The following OSBPL3 variants were observed in gnomAD, a reference collection of about 807,000 sequenced individuals.
OSBPL3 encodes the protein oxysterol binding protein like 3.
OSBPL3 carries 65 observed loss-of-function variants against 120.1 expected under a neutral mutation model. The observed-to-expected ratio is 0.54, with a 90% CI of 0.44 to 0.67. The LOEUF (loss-of-function observed/expected upper bound fraction) is 0.67, where lower values mean the gene tolerates loss of function less well. OSBPL3 is among the 30% of genes least tolerant of loss of function. OSBPL3 has a pLI of 0.00. For synonymous variants in OSBPL3, 416 were observed against 402.6 expected, an observed-to-expected ratio of 1.03 and a Z score of -0.40; for missense variants, 1,004 against 1,082.1, an observed-to-expected ratio of 0.93 and a Z score of 1.01.
Position 24,916,812 on chromosome 7 carries a change from C to T in OSBPL3, c.-149-24191G>A, listed in dbSNP as rs994531201. Among the ~76,000 whole-genome samples the T allele has an allele frequency of 1.3e-5, 2 of 152,152 alleles. No individual in the cohort carries two copies. The highest frequency in any genetic ancestry group is 4.8e-5 in the African/African-American group (2 of 41,420). On this transcript the variant is annotated intron_variant, in intron 1 of 22. Coordinates refer to ENST00000313367, the MANE Select transcript of OSBPL3 (RefSeq NM_015550.4). The surrounding 1 kb of genome is among the most constrained non-coding windows in gnomAD (Gnocchi z 4.9). ...TCACTAGAGATGTAAATGGAAACTT[C>T]CCATGCTGGGATTCCCAGCTGTGCT...
intron 1 of OSBPL3, among the ~76,000 whole-genome samples, chr7:24,929,637 G>A (rs1270109316): frequency 6.6e-6 from 1 of 151,920 alleles, no homozygotes; most frequent in Non-Finnish European, 1.5e-5. Flanking sequence ...CATCAAGAAA[G>A]GAGTTCCATT....
At chr7:24,921,197 C>T (rs1045731699) in intron 1 of OSBPL3, among the ~76,000 whole-genome samples, 5 of 97,774 alleles carry the variant, frequency 5.1e-5, no homozygotes, top group African/African-American at 2.3e-4. Flanking sequence ...GACTCAAGCC[C>T]ACATTAAAAA....
intron 1 of OSBPL3, among the ~76,000 whole-genome samples, chr7:24,970,426 T>G (rs1009821527): frequency 6.6e-6 from 1 of 152,184 alleles, no homozygotes; most frequent in African/African-American, 2.4e-5. Flanking sequence ...TTTCTTTATC[T>G]CAATCCCATG....
intron 13 of OSBPL3, among the ~76,000 whole-genome samples, chr7:24,841,210 C>G (rs564657010): frequency 6.6e-6 from 1 of 152,106 alleles, no homozygotes; most frequent in African/African-American, 2.4e-5. Flanking sequence ...ACACTGTTAA[C>G]TATAATAACT....
rs1050933622 is a variant in OSBPL3 at position 24,820,159 on chromosome 7, T to C, written c.1948+16A>G. The C allele has an allele frequency of 6.5e-6, 10 of 1,545,080 alleles. No individual in the cohort carries two copies. Among genetic ancestry groups the C allele is most frequent in the Non-Finnish European group, 8.9e-6 (10 of 1,119,504 alleles). ...ATTACACAATATGATGGAAGTAAAATGTATTAGCACATTACCTTGCCAGAA... is the reference window on the plus strand; with the variant it reads ...ATTACACAATATGATGGAAGTAAAACGTATTAGCACATTACCTTGCCAGAA... On this transcript the variant is annotated intron_variant, in intron 17 of 22. Transcript: ENST00000313367. The surrounding 1 kb of genome is among the most constrained non-coding windows in gnomAD (Gnocchi z 4.6).
rs554236120 is a variant in OSBPL3, at chr7:24,836,966, C to G, written c.1496-2230G>C. On this transcript the variant is annotated intron_variant, in intron 14 of 22. Transcript: ENST00000313367. The stretch of plus-strand genomic sequence containing the variant: ...CTTCCTGCCTCAGCCTCCCAAGTAG[C>G]TGGGACCACAGATGCACACCAACAT... Among the ~76,000 whole-genome samples the G allele has an allele frequency of 2.6e-5, 4 of 151,936 alleles. No individual in the cohort carries two copies. The South Asian group carries it at 8.3e-4, about 32-fold the overall frequency.
At chr7:24,902,763 A>G (rs746682920) in intron 1 of OSBPL3, among the ~76,000 whole-genome samples, 1 of 151,230 alleles carries the variant, frequency 6.6e-6, no homozygotes, top group Non-Finnish European at 1.5e-5. Context: ...TGCCACACCT[A>G]AACGACTGGC....
Position 24,815,730 on chromosome 7 carries a change from G to A in OSBPL3, c.2028-527C>T, listed in dbSNP as rs1418984872. Among the ~76,000 whole-genome samples, 1 of 152,136 alleles carries A rather than the reference G, an allele frequency of 6.6e-6. No individual in the cohort carries two copies. The highest frequency in any genetic ancestry group is 1.5e-5 in the Non-Finnish European group (1 of 68,040). ...ATGCAATGTGCTAAGTACTATTTTA[G>A]GTGTTTCATGTATATTATCTGTTTA... On this transcript the variant is annotated intron_variant, in intron 18 of 22. Coordinates refer to ENST00000313367, the MANE Select transcript of OSBPL3 (RefSeq NM_015550.4). The surrounding 1 kb of genome is among the most constrained non-coding windows in gnomAD (Gnocchi z 5.1).
chr7:24,943,371 C>T (rs962349756), intron 1 of OSBPL3, among the ~76,000 whole-genome samples: 3 of 152,138 alleles, frequency 2.0e-5, no homozygotes, highest in Non-Finnish European at 2.9e-5. Flanking sequence ...TGTGCTTGTA[C>T]CTTAAAGGCT....
Position 24,818,880 on chromosome 7 carries a change from A to G in OSBPL3, c.1948+1295T>C, listed in dbSNP as rs1359509229. On this transcript the variant is annotated intron_variant, in intron 17 of 22. Transcript: ENST00000313367. This position sits in a 1 kb window ranked among gnomAD's most constrained non-coding sequence, Gnocchi z 4.0. ...TGATGGGGAAGTATGGCCTAGGAGA[A>G]GGATGCTAAGGCTGAGAAGGGAAGG... Among the ~76,000 whole-genome samples, 1 of 152,222 alleles carries G rather than the reference A, an allele frequency of 6.6e-6. No individual in the cohort carries two copies. The highest frequency in any genetic ancestry group is 1.5e-5 in the Non-Finnish European group (1 of 68,038).
chr7:24,865,282 A>G, intron 7 of OSBPL3, 60 bp downstream of exon 7: 1 of 1,557,874 alleles, frequency 6.4e-7, no homozygotes, highest in Non-Finnish European at 8.8e-7. Flanking sequence ...TGAAGTGTAA[A>G]CATCAAACCA....
intron 10 of OSBPL3, among the ~76,000 whole-genome samples, chr7:24,859,882 C>G (rs1324957118): frequency 1.3e-5 from 2 of 152,058 alleles, no homozygotes; most frequent in Non-Finnish European, 2.9e-5. Context: ...AAAATTCAAT[C>G]CCCTATTGTT....
At chr7:24,870,335 A>G (rs1381315034) in intron 5 of OSBPL3, among the ~76,000 whole-genome samples, 1 of 152,256 alleles carries the variant, frequency 6.6e-6, no homozygotes, top group Non-Finnish European at 1.5e-5. Context: ...CTATAAAATT[A>G]GCCAAAGTGA....
At chr7:24,870,336 G>A (rs1027776411) in intron 5 of OSBPL3, among the ~76,000 whole-genome samples, 9 of 152,162 alleles carry the variant, frequency 5.9e-5, no homozygotes, top group African/African-American at 1.9e-4. Flanking sequence ...TATAAAATTA[G>A]CCAAAGTGAT....
chr7:24,884,503 G>A (rs189700275), intron 2 of OSBPL3, among the ~76,000 whole-genome samples: 2 of 152,250 alleles, frequency 1.3e-5, no homozygotes, highest in South Asian at 2.1e-4. Context: ...GAGTCTTCCT[G>A]AGAGCAGCCT....
At chr7:24,941,092 T>C (rs1484908246) in intron 1 of OSBPL3, among the ~76,000 whole-genome samples, 8 of 152,224 alleles carry the variant, frequency 5.3e-5, no homozygotes, top group African/African-American at 1.9e-4. Flanking sequence ...GTGCTGGGAT[T>C]ACAGGCGTGA....
rs1584629087 is a variant in OSBPL3 at position 24,922,029 on chromosome 7, T to C, written c.-149-29408A>G. On this transcript the variant is annotated intron_variant, in intron 1 of 22. Coordinates refer to ENST00000313367, the MANE Select transcript of OSBPL3 (RefSeq NM_015550.4). This position sits in a 1 kb window ranked among gnomAD's most constrained non-coding sequence, Gnocchi z 4.3. ...GTCTCACGTCCAGCCAAGAGGCTGGTACACAGCAGCCACCTCAAAAACGCT... is the reference window on the plus strand; with the variant it reads ...GTCTCACGTCCAGCCAAGAGGCTGGCACACAGCAGCCACCTCAAAAACGCT... Among the ~76,000 whole-genome samples, 1 of 152,252 alleles carries C rather than the reference T, an allele frequency of 6.6e-6. No individual in the cohort carries two copies. The highest frequency in any genetic ancestry group is 1.9e-4 in the East Asian group (1 of 5,206).
chr7:24,927,626 GT>G (rs1811223935), intron 1 of OSBPL3, among the ~76,000 whole-genome samples: 1 of 152,156 alleles, frequency 6.6e-6, no homozygotes, highest in Non-Finnish European at 1.5e-5. Flanking sequence ...GGATTGTTCA[GT>G]TTTTTTCACC....
chr7:24,842,987 C>T (rs1017818052), intron 12 of OSBPL3, among the ~76,000 whole-genome samples: 11 of 152,178 alleles, frequency 7.2e-5, no homozygotes, highest in Admixed American at 2.6e-4. Context: ...TCTCTTTCCA[C>T]CTACAATGAC....
Sources: allele counts gnomAD v4.1 joint callset (sites outside exome capture counted in the v4.1 genomes callset), GRCh38; gene constraint gnomAD v4.1.1; non-coding constraint Gnocchi (gnomAD v3.1); transcripts MANE v1.5; gene names NCBI Gene and HGNC (gene_info 2026-07-23, HGNC 2026-07-21).